BTBD9: variants seen among roughly 807,000 people sequenced by gnomAD.
The protein encoded by BTBD9 is BTB/POZ domain-containing protein 9.
A neutral mutation model predicts 64.3 loss-of-function variants in BTBD9; 49 were observed. The ratio of observed to expected loss-of-function variants is 0.76; its 90% confidence interval spans 0.61 to 0.97. The LOEUF is 0.97. Ranked by LOEUF, BTBD9 falls within the 50% of genes least tolerant of loss-of-function variation. BTBD9 has a pLI of 0.00. For missense variants in BTBD9, 598 were observed against 762.1 expected (o/e 0.78, Z 2.53); for synonymous variants, 260 against 274.7 (o/e 0.95, Z 0.53).
intron 6 of BTBD9, among the ~76,000 whole-genome samples, chr6:38,407,818 G>T (rs1267816941): frequency 6.6e-6 from 1 of 152,100 alleles, no homozygotes; most frequent in Non-Finnish European, 1.5e-5. Context: ...ATCAAAACTG[G>T]ATTCAATTAG....
intron 9 of BTBD9, among the ~76,000 whole-genome samples, chr6:38,196,907 A>T (rs1762288681): frequency 6.6e-6 from 1 of 152,244 alleles, no homozygotes; most frequent in African/African-American, 2.4e-5. Context: ...AATACTATGT[A>T]TATGTGAAAG....
intron 6 of BTBD9, among the ~76,000 whole-genome samples, chr6:38,466,624 T>C (rs1435942537): frequency 6.6e-6 from 1 of 151,922 alleles, no homozygotes; most frequent in Admixed American, 6.6e-5. Context: ...GCAAAGCAGG[T>C]TTTTTGTGAG....
At chr6:38,189,157 A>T (rs1455842897) in intron 10 of BTBD9, among the ~76,000 whole-genome samples, 1 of 152,082 alleles carries the variant, frequency 6.6e-6, no homozygotes, top group Non-Finnish European at 1.5e-5. Context: ...TGGGACTGTG[A>T]ATCAGGGTGG....
intron 1 of BTBD9, among the ~76,000 whole-genome samples, chr6:38,613,970 T>C (rs1305501352): frequency 1.3e-5 from 2 of 152,178 alleles, no homozygotes; most frequent in Admixed American, 6.5e-5. Context: ...ACCAGAACGC[T>C]TACCACCATA....
intron 9 of BTBD9, among the ~76,000 whole-genome samples, chr6:38,228,873 AAAAAAC>A (rs542538750): frequency 2.0e-4 from 30 of 149,926 alleles, no homozygotes; most frequent in East Asian, 6.0e-4. Context: ...GCTCCGTCTC[AAAAAAC>A]AAAAACAAAA....
At chr6:38,319,239 T>G (rs1210141488) in intron 7 of BTBD9, among the ~76,000 whole-genome samples, 1 of 152,122 alleles carries the variant, frequency 6.6e-6, no homozygotes, top group Non-Finnish European at 1.5e-5. Context: ...AAGAGCCCAC[T>G]TGGTGCTCTT....
chr6:38,432,461 G>A (rs1414330430), intron 6 of BTBD9, among the ~76,000 whole-genome samples: 3 of 151,868 alleles, frequency 2.0e-5, no homozygotes, highest in Non-Finnish European at 2.9e-5. Flanking sequence ...ACTAATGAGA[G>A]GCCACAAGAT....
intron 6 of BTBD9, among the ~76,000 whole-genome samples, chr6:38,436,659 A>G (rs1254358307): frequency 1.3e-5 from 2 of 150,192 alleles, no homozygotes; most frequent in African/African-American, 5.1e-5. Flanking sequence ...TACAGGCATG[A>G]GCCACCACAC....
intron 4 of BTBD9, among the ~76,000 whole-genome samples, chr6:38,591,756 C>T (rs1776799649): frequency 6.6e-6 from 1 of 152,076 alleles, no homozygotes; most frequent in African/African-American, 2.4e-5. Flanking sequence ...ACATACTATG[C>T]ACTCTGTAAG....
At chr6:38,340,623 T>C (rs1416615288) in intron 7 of BTBD9, among the ~76,000 whole-genome samples, 1 of 152,186 alleles carries the variant, frequency 6.6e-6, no homozygotes, top group African/African-American at 2.4e-5. Flanking sequence ...CCTCTTTATT[T>C]TGAAAACTGG....
At position 38,418,057 on chromosome 6, in the gene BTBD9, G is replaced by T. The variant is rs915091537; in HGVS notation, c.1155-72964C>A. Among the ~76,000 whole-genome samples the T allele has an allele frequency of 2.5e-5, 3 of 121,752 alleles. No individual in the cohort carries two copies. The East Asian group carries it at 6.9e-4, about 28-fold the overall frequency. The allele number at this position is 121,752 out of a possible 152,430, so 79.9% of individuals were successfully genotyped here. ...AGAATTCTTGCCTCCTATAATTGAA[G>T]AATGCTTTTTTCTATCATCATTTAT... On this transcript the variant is annotated intron_variant, in intron 6 of 10. Coordinates refer to ENST00000481247, the MANE Select transcript of BTBD9 (RefSeq NM_001099272.2).
intron 9 of BTBD9, among the ~76,000 whole-genome samples, chr6:38,240,650 T>C (rs1436871147): frequency 2.0e-5 from 3 of 152,174 alleles, no homozygotes; most frequent in African/African-American, 4.8e-5. Context: ...TCCTCAGAAA[T>C]TCATAAAGTT....
intron 6 of BTBD9, among the ~76,000 whole-genome samples, chr6:38,538,778 TTTTTC>T (rs1774136112): frequency 8.6e-6 from 1 of 115,700 alleles, no homozygotes. Context: ...TAGCTTTTTC[TTTTTC>T]TTTTTTTTTT....
In BTBD9 at chr6:38,411,229, C is replaced by T. The variant is rs903838727; in HGVS notation, c.1155-66136G>A. The stretch of plus-strand genomic sequence containing the variant: ...AAAATTAGATAAGTTGATTATAAGG[C>T]TAATTTAGAAGAGCAATCATGCAAG... On this transcript the variant is annotated intron_variant, in intron 6 of 10. Transcript: ENST00000481247. Among the ~76,000 whole-genome samples, 4 of 152,004 alleles carry T rather than the reference C, an allele frequency of 2.6e-5. No homozygotes were observed. In the East Asian group the frequency reaches 5.8e-4, roughly 22 times the overall value.
At chr6:38,362,196 CTT>C (rs1303791896) in intron 6 of BTBD9, among the ~76,000 whole-genome samples, 1 of 152,174 alleles carries the variant, frequency 6.6e-6, no homozygotes, top group East Asian at 1.9e-4. Context: ...TGTAATTTCT[CTT>C]GAGTACTGAT....
chr6:38,445,979 G>GA (rs1769259378), intron 6 of BTBD9, among the ~76,000 whole-genome samples: 1 of 152,204 alleles, frequency 6.6e-6, no homozygotes, highest in South Asian at 2.1e-4. Flanking sequence ...GACGGTAGTT[G>GA]AAAGAGTATA....
intron 7 of BTBD9, among the ~76,000 whole-genome samples, chr6:38,328,581 G>GTC (rs1763534182): frequency 6.7e-6 from 1 of 149,234 alleles, no homozygotes; most frequent in Non-Finnish European, 1.5e-5. Flanking sequence ...GTGTGTGTGT[G>GTC]TGTGTGTGTG....
intron 10 of BTBD9, among the ~76,000 whole-genome samples, chr6:38,190,971 T>C (rs1762051780): frequency 6.6e-6 from 1 of 152,194 alleles, no homozygotes; most frequent in African/African-American, 2.4e-5. Flanking sequence ...CTAAAATTTT[T>C]GGGGGGATGC....
At chr6:38,571,852 C>G (rs779432327) in intron 6 of BTBD9, 1 of 152,100 alleles carries the variant, frequency 6.6e-6, no homozygotes, top group Non-Finnish European at 1.5e-5. Context: ...CCCAGCTACT[C>G]AGGAGGGTGA....
Sources: allele counts gnomAD v4.1 joint callset (sites outside exome capture counted in the v4.1 genomes callset), GRCh38; gene constraint gnomAD v4.1.1; transcripts MANE v1.5; gene names NCBI Gene and HGNC (gene_info 2026-07-23, HGNC 2026-07-21).